Variants in ABL1 observed in about 807,000 individuals in gnomAD.
ABL1 encodes the protein tyrosine-protein kinase ABL1.
A neutral mutation model predicts 94.7 loss-of-function variants in ABL1; 11 were observed. The observed-to-expected ratio is 0.12, with a 90% CI of 0.07 to 0.19. The LOEUF is 0.19. Ranked by LOEUF, ABL1 falls within the 10% of genes least tolerant of loss-of-function variation. The probability of loss-of-function intolerance (pLI) is 1.00; values close to 1 mark genes in which losing one functional copy is unlikely to be tolerated. For missense variants in ABL1, 1,082 were observed against 1,489.4 expected (o/e 0.73, Z 4.50); for synonymous variants, 656 against 622.4 (o/e 1.05, Z -0.80).
chr9:130,793,564 G>A (rs1035840980), intron 1 of ABL1, among the ~76,000 whole-genome samples: 5 of 152,198 alleles, frequency 3.3e-5, no homozygotes, highest in Admixed American at 3.3e-4. Context: ...TAGAGTCTGT[G>A]CAAGCTGTGT....
rs557909225 is a variant in ABL1, at chr9:130,855,609, G to A, written c.549+513G>A. On this transcript the variant is annotated intron_variant, in intron 3 of 10. Coordinates refer to ENST00000318560, the MANE Select transcript of ABL1 (RefSeq NM_005157.6). Reference sequence around the variant, plus strand: ...ACGCATGCAGTTTTCAGTGAAAACCGGGATCAAACCCACAGCTTACCAAAC... The same window carrying A: ...ACGCATGCAGTTTTCAGTGAAAACCAGGATCAAACCCACAGCTTACCAAAC... 4.6e-5 allele frequency among the ~76,000 whole-genome samples: 7 copies of A among 152,222 alleles called. No homozygotes were observed. The East Asian group carries it at 9.7e-4, about 21-fold the overall frequency.
At chr9:130,774,134 TC>T (rs1292419833) in intron 1 of ABL1, among the ~76,000 whole-genome samples, 3 of 152,268 alleles carry the variant, frequency 2.0e-5, no homozygotes, top group African/African-American at 7.2e-5. Context: ...TGAGTACTAT[TC>T]CATTGTGTGG....
chr9:130,828,781 A>C (rs916219826), intron 1 of ABL1, among the ~76,000 whole-genome samples: 4 of 152,204 alleles, frequency 2.6e-5, no homozygotes, highest in African/African-American at 4.8e-5. Context: ...GAATTCCAGA[A>C]AGAAAACAAA....
At chr9:130,794,254 C>G (rs1446432534) in intron 1 of ABL1, among the ~76,000 whole-genome samples, 1 of 152,104 alleles carries the variant, frequency 6.6e-6, no homozygotes, top group East Asian at 1.9e-4. Context: ...TTGAATTAAA[C>G]GTTGCAAACT....
At chr9:130,874,789 A>G in intron 6 of ABL1, 79 bp from the exon 7 acceptor site, 1 of 1,443,818 alleles carries the variant, frequency 6.9e-7, no homozygotes, top group South Asian at 1.2e-5. Flanking sequence ...TCAGCATTGC[A>G]CCTTTGCTCA....
chr9:130,726,835 C>A (rs1373379375), intron 1 of ABL1, among the ~76,000 whole-genome samples: 1 of 152,094 alleles, frequency 6.6e-6, no homozygotes, highest in Admixed American at 6.6e-5. Context: ...AGATCGATTC[C>A]AAACCCTTCT....
intron 7 of ABL1, among the ~76,000 whole-genome samples, chr9:130,876,894 A>G (rs1294820493): frequency 2.1e-5 from 3 of 145,142 alleles, no homozygotes; most frequent in Non-Finnish European, 3.0e-5. Flanking sequence ...CCGCCGCCAC[A>G]CTCGGCCAAT....
At chr9:130,713,315 C>A (rs1831394922) in exon 1 of ABL1, among the ~76,000 whole-genome samples, 1 of 152,212 alleles carries the variant, frequency 6.6e-6, no homozygotes. Flanking sequence ...ACGGGGCCCG[C>A]CTTCCGCTGT....
intron 3 of ABL1, among the ~76,000 whole-genome samples, chr9:130,856,794 T>C (rs938801125): frequency 6.6e-6 from 1 of 152,230 alleles, no homozygotes; most frequent in Non-Finnish European, 1.5e-5. Context: ...GATTGTTTTA[T>C]GGCAACAGGT....
chr9:130,776,906 A>G (rs1829666087), intron 1 of ABL1, among the ~76,000 whole-genome samples: 1 of 152,112 alleles, frequency 6.6e-6, no homozygotes, highest in Admixed American at 6.5e-5. Context: ...TACTCTTATT[A>G]ATTTAATGCT....
chr9:130,774,566 G>C (rs1484553280), intron 1 of ABL1, among the ~76,000 whole-genome samples: 1 of 152,172 alleles, frequency 6.6e-6, no homozygotes, highest in East Asian at 1.9e-4. Context: ...GCTCATGCCT[G>C]TGATTCTAGC....
In ABL1 at chr9:130,875,849, C is replaced by T. The variant is rs566034537; in HGVS notation, c.1270+797C>T. Among the ~76,000 whole-genome samples the T allele has an allele frequency of 9.2e-5, 14 of 152,178 alleles. No homozygotes were observed. In the East Asian group the frequency reaches 1.5e-3, roughly 17 times the overall value. On this transcript the variant is annotated intron_variant, in intron 7 of 10. Coordinates refer to ENST00000318560, the MANE Select transcript of ABL1 (RefSeq NM_005157.6). Reference sequence around the variant, plus strand: ...TCCTCTCTTCTCCTTCTCCTTCCGACGGAGTTTCGCTCTTGTTGCCCAGGC... The same window carrying T: ...TCCTCTCTTCTCCTTCTCCTTCCGATGGAGTTTCGCTCTTGTTGCCCAGGC...
chr9:130,751,919 TGATGTGTCTGTTA>T (rs1163022843), intron 1 of ABL1, among the ~76,000 whole-genome samples: 4 of 152,088 alleles, frequency 2.6e-5, no homozygotes, highest in Admixed American at 6.6e-5. Context: ...GGGGAGGTGG[TGATGTGTCTGTTA>T]GATTTTCAGC....
rs897182973 is a variant in ABL1 at position 130,875,023 on chromosome 9, A to T, written c.1241A>T (p.Asn414Ile). The T allele has an allele frequency of 6.2e-7, 1 of 1,614,116 alleles. No homozygotes were observed. Among genetic ancestry groups the T allele is most frequent in the African/African-American group, 1.3e-5 (1 of 74,954 alleles). ...ACTGCACCCGAGAGCCTGGCCTACA[A>T]CAAGTTCTCCATCAAGTCCGACGTC... The part of the protein sequence containing the change: ...KWTAPESLAY[N>I]KFSIKSDVWA... The change falls in exon 7 of 11, where the codon AAC becomes ATC. Residue 414 changes from asparagine (N) to isoleucine (I), a missense_variant. Asn to Ile is a moderately radical substitution (Grantham distance 149). Coordinates refer to ENST00000318560, the MANE Select transcript of ABL1 (RefSeq NM_005157.6).
chr9:130,800,366 C>T (rs754914343), intron 1 of ABL1, among the ~76,000 whole-genome samples: 7 of 151,962 alleles, frequency 4.6e-5, no homozygotes, highest in East Asian at 1.9e-4. Flanking sequence ...CAGTTCTCTA[C>T]GCTGCTTTGG....
At chr9:130,752,958 C>CAA (rs752754691) in intron 1 of ABL1, among the ~76,000 whole-genome samples, 4 of 82,498 alleles carry the variant, frequency 4.8e-5, no homozygotes, top group African/African-American at 8.4e-5. Flanking sequence ...GACTTCGTCT[C>CAA]AAAAAAAAAA....
chr9:130,791,636 ACTC>A (rs1051190222), intron 1 of ABL1, among the ~76,000 whole-genome samples: 1 of 151,702 alleles, frequency 6.6e-6, no homozygotes, highest in African/African-American at 2.4e-5. Flanking sequence ...GCTTCCTCCC[ACTC>A]CTCCTGCCCG....
At chr9:130,723,333 C>G (rs1271787743) in intron 1 of ABL1, among the ~76,000 whole-genome samples, 1 of 152,054 alleles carries the variant, frequency 6.6e-6, no homozygotes, top group Non-Finnish European at 1.5e-5. Flanking sequence ...CCTCTGAGAC[C>G]AGGAGTTTGA....
intron 1 of ABL1, among the ~76,000 whole-genome samples, chr9:130,802,195 C>G (rs571342645): frequency 1.3e-5 from 2 of 149,218 alleles, no homozygotes; most frequent in African/African-American, 2.5e-5. Flanking sequence ...TGGGTTTAAG[C>G]CATCCTCCTG....
Sources: gnomAD v4.1 joint callset for allele counts (sites outside exome capture counted in the v4.1 genomes callset) on GRCh38, gnomAD v4.1.1 for gene constraint, MANE v1.5 for transcripts, NCBI Gene and HGNC (gene_info 2026-07-23, HGNC 2026-07-21) for gene names.